KCNH1: variants seen among roughly 807,000 people sequenced by gnomAD.
KCNH1 encodes potassium voltage-gated channel subfamily H member 1.
A neutral mutation model predicts 69.2 loss-of-function variants in KCNH1; 27 were observed. The ratio of observed to expected loss-of-function variants is 0.39; its 90% CI spans 0.29 to 0.54. The LOEUF is 0.54. Among genes scored for constraint, KCNH1 ranks in the 20% least tolerant of loss-of-function variants. The pLI is 0.68. For synonymous variants in KCNH1, 456 were observed against 487.7 expected, an observed-to-expected ratio of 0.93 and a Z score of 0.86; for missense variants, 798 against 1,261.6, an observed-to-expected ratio of 0.63 and a Z score of 5.57.
chr1:210,849,859 G>T (rs1308806353), intron 7 of KCNH1, among the ~76,000 whole-genome samples: 1 of 152,064 alleles, frequency 6.6e-6, no homozygotes, highest in Non-Finnish European at 1.5e-5. Context: ...TGTGATTTAA[G>T]TGTAAGTCCA....
intron 6 of KCNH1, among the ~76,000 whole-genome samples, chr1:210,932,932 C>G (rs1443122228): frequency 3.3e-5 from 5 of 152,152 alleles, no homozygotes; most frequent in Non-Finnish European, 5.9e-5. Flanking sequence ...ACATCCCACT[C>G]TCAGCATTAT....
At chr1:210,845,530 G>A (rs982640190) in intron 7 of KCNH1, among the ~76,000 whole-genome samples, 6 of 147,472 alleles carry the variant, frequency 4.1e-5, no homozygotes, top group Admixed American at 1.4e-4. Context: ...ATTCAACAAC[G>A]CTTCATGCTA....
chr1:210,906,511 C>A (rs528618058), intron 7 of KCNH1, among the ~76,000 whole-genome samples: 1 of 152,196 alleles, frequency 6.6e-6, no homozygotes, highest in Admixed American at 6.5e-5. Context: ...ACACAGTGAC[C>A]GTCTTGGTTC....
At chr1:210,971,584 T>C (rs1211449630) in intron 6 of KCNH1, among the ~76,000 whole-genome samples, 1 of 152,176 alleles carries the variant, frequency 6.6e-6, no homozygotes, top group East Asian at 1.9e-4. Flanking sequence ...ATCTGGATGG[T>C]GAAAATATTA....
chr1:210,785,227 T>C (rs1357555196), intron 9 of KCNH1, among the ~76,000 whole-genome samples: 1 of 152,120 alleles, frequency 6.6e-6, no homozygotes, highest in Non-Finnish European at 1.5e-5. Context: ...CTTTATATGG[T>C]GAGGTGAGAT....
intron 7 of KCNH1, chr1:210,861,326 G>A (rs1482910248): frequency 2.5e-6 from 2 of 797,034 alleles, no homozygotes; most frequent in Admixed American, 1.7e-5. Context: ...AACTTGAGGA[G>A]CCATATATTG....
At chr1:211,109,422 C>G (rs1231770513) in intron 1 of KCNH1, among the ~76,000 whole-genome samples, 1 of 152,140 alleles carries the variant, frequency 6.6e-6, no homozygotes, top group Non-Finnish European at 1.5e-5. Context: ...CTCACATTTC[C>G]TGAACTGAAT....
intron 10 of KCNH1, among the ~76,000 whole-genome samples, chr1:210,698,446 C>T (rs905266866): frequency 1.3e-5 from 2 of 152,108 alleles, no homozygotes; most frequent in Admixed American, 1.3e-4. Context: ...ATAGATACAC[C>T]ATAACCAGAA....
At chr1:211,015,329 G>A (rs1236567304) in intron 6 of KCNH1, among the ~76,000 whole-genome samples, 2 of 152,192 alleles carry the variant, frequency 1.3e-5, no homozygotes, top group Non-Finnish European at 2.9e-5. Context: ...TAGGAATAGA[G>A]AAGAGTCAGA....
At chr1:210,797,898 G>T in intron 8 of KCNH1, 138 bp from the exon 9 acceptor site, 2 of 933,300 alleles carry the variant, frequency 2.1e-6, no homozygotes, top group Non-Finnish European at 3.2e-6. Flanking sequence ...CGCTTATGGA[G>T]CTTATATTCT....
intron 7 of KCNH1, among the ~76,000 whole-genome samples, chr1:210,830,745 A>G (rs1452726657): frequency 6.6e-6 from 1 of 152,166 alleles, no homozygotes; most frequent in Non-Finnish European, 1.5e-5. Context: ...ACTCCAAAGA[A>G]CTACAAATTT....
intron 4 of KCNH1, among the ~76,000 whole-genome samples, chr1:211,090,262 G>A (rs1299854752): frequency 1.3e-5 from 2 of 152,188 alleles, no homozygotes; most frequent in Non-Finnish European, 2.9e-5. Flanking sequence ...GTGAAAACTT[G>A]AAAAGATTCT....
At chr1:210,913,972 A>G (rs1687287675) in intron 7 of KCNH1, among the ~76,000 whole-genome samples, 1 of 151,960 alleles carries the variant, frequency 6.6e-6, no homozygotes, top group African/African-American at 2.4e-5. Flanking sequence ...TTTTCTTTCT[A>G]CTTTCTGGAA....
chr1:210,954,115 C>T (rs1688116592), intron 6 of KCNH1, among the ~76,000 whole-genome samples: 1 of 151,482 alleles, frequency 6.6e-6, no homozygotes. Context: ...TCCAAGTGTT[C>T]TCATTGTTCA....
chr1:210,856,899 A>ATATAT (rs57245090), intron 7 of KCNH1, among the ~76,000 whole-genome samples: 2 of 121,756 alleles, frequency 1.6e-5, no homozygotes, highest in African/African-American at 2.8e-5. Flanking sequence ...ATATATATAT[A>ATATAT]AAATACTCAT....
chr1:210,714,892 C>T (rs1322915578), intron 10 of KCNH1, among the ~76,000 whole-genome samples: 5 of 152,144 alleles, frequency 3.3e-5, no homozygotes, highest in Admixed American at 2.6e-4. Flanking sequence ...TCATTTTCCC[C>T]CAGCCATTGC....
At chr1:210,701,138 T>C (rs1433279246) in intron 10 of KCNH1, among the ~76,000 whole-genome samples, 2 of 151,980 alleles carry the variant, frequency 1.3e-5, no homozygotes, top group Admixed American at 1.3e-4. Flanking sequence ...GGGGTTTCAC[T>C]GTGTTGGCCA....
chr1:210,953,073 A>G (rs534453432), intron 6 of KCNH1, among the ~76,000 whole-genome samples: 6 of 152,316 alleles, frequency 3.9e-5, no homozygotes, highest in Admixed American at 2.0e-4. Context: ...AAGCTATCAA[A>G]TATCAACTCC....
intron 6 of KCNH1, among the ~76,000 whole-genome samples, chr1:210,982,255 T>C (rs1442354995): frequency 4.0e-5 from 6 of 151,374 alleles, no homozygotes; most frequent in African/African-American, 1.5e-4. Flanking sequence ...ATTATAAAGT[T>C]TTAGGGTACA....
Sources: gnomAD v4.1 joint callset for allele counts (sites outside exome capture counted in the v4.1 genomes callset) on GRCh38, gnomAD v4.1.1 for gene constraint, MANE v1.5 for transcripts, NCBI Gene and HGNC (gene_info 2026-07-23, HGNC 2026-07-21) for gene names.